The following STX8 variants were observed in gnomAD, a reference collection of about 807,000 sequenced individuals.
STX8 encodes the protein syntaxin 8, also known as syntaxin-8.
STX8 carries 23 observed loss-of-function variants against 37.5 expected under a neutral mutation model. The ratio of observed to expected loss-of-function variants is 0.61; its 90% CI spans 0.44 to 0.87. The LOEUF is 0.87. Ranked by LOEUF, STX8 falls within the 40% of genes least tolerant of loss-of-function variation. The pLI, the probability that STX8 is intolerant of heterozygous loss-of-function variation, is 0.00. For synonymous variants in STX8, 115 were observed against 99.1 expected, an observed-to-expected ratio of 1.16 and a Z score of -0.95; for missense variants, 313 against 284.7, an observed-to-expected ratio of 1.10 and a Z score of -0.71.
At chr17:9,362,292 T>G (rs1206267214) in intron 7 of STX8, among the ~76,000 whole-genome samples, 4 of 152,212 alleles carry the variant, frequency 2.6e-5, no homozygotes, top group African/African-American at 9.7e-5. Flanking sequence ...ACCACTGTAC[T>G]CGGGCCTGCA....
At chr17:9,571,771 C>T (rs530082673) in intron 1 of STX8, among the ~76,000 whole-genome samples, 4 of 151,700 alleles carry the variant, frequency 2.6e-5, no homozygotes, top group South Asian at 2.1e-4. Context: ...AAAAATTAGC[C>T]GGGCATGGTG....
At chr17:9,462,709 C>G (rs930008349) in intron 6 of STX8, among the ~76,000 whole-genome samples, 5 of 152,098 alleles carry the variant, frequency 3.3e-5, no homozygotes, top group Non-Finnish European at 7.4e-5. Flanking sequence ...GGCAACAGAG[C>G]GAGGCTCTGT....
chr17:9,316,284 T>A (rs1337476167), intron 7 of STX8, among the ~76,000 whole-genome samples: 1 of 152,086 alleles, frequency 6.6e-6, no homozygotes, highest in Non-Finnish European at 1.5e-5. Context: ...TCTAAAGTGA[T>A]AAGTGTCTTT....
chr17:9,520,564 CGTTA>C (rs1282297626), intron 4 of STX8, among the ~76,000 whole-genome samples: 1 of 152,128 alleles, frequency 6.6e-6, no homozygotes, highest in African/African-American at 2.4e-5. Context: ...TCAGTAAATA[CGTTA>C]GATATCTTGT....
intron 7 of STX8, among the ~76,000 whole-genome samples, chr17:9,259,891 A>G (rs1366435735): frequency 6.6e-6 from 1 of 152,160 alleles, no homozygotes; most frequent in African/African-American, 2.4e-5. Context: ...GCCATGCTGC[A>G]TAAATAACAA....
chr17:9,412,933 G>A (rs999871446), intron 6 of STX8, among the ~76,000 whole-genome samples: 6 of 152,184 alleles, frequency 3.9e-5, no homozygotes, highest in South Asian at 2.1e-4. Context: ...GAGAATTTCC[G>A]AACATGATTA....
At chr17:9,441,928 G>C (rs111857039) in intron 6 of STX8, among the ~76,000 whole-genome samples, 6,240 of 151,852 alleles carry the variant, frequency 0.041, 444 homozygotes, top group African/African-American at 0.14. Flanking sequence ...GCCCACCTCG[G>C]CCTCCCAAAG....
intron 4 of STX8, among the ~76,000 whole-genome samples, chr17:9,543,293 T>A (rs1906356249): frequency 4.3e-5 from 1 of 23,424 alleles, no homozygotes; most frequent in Non-Finnish European, 6.2e-5. Flanking sequence ...TAGAAGACAG[T>A]TTTTTGGTTT....
chr17:9,446,730 C>T (rs973687185), intron 6 of STX8, among the ~76,000 whole-genome samples: 5 of 152,142 alleles, frequency 3.3e-5, no homozygotes, highest in African/African-American at 1.2e-4. Flanking sequence ...GATAGCACTT[C>T]CTAATGAAAT....
chr17:9,277,772 A>G (rs1907726372), intron 7 of STX8, among the ~76,000 whole-genome samples: 1 of 152,152 alleles, frequency 6.6e-6, no homozygotes, highest in South Asian at 2.1e-4. Context: ...AGCCAAAGCC[A>G]GGCAGAGTGG....
chr17:9,273,631 A>C (rs774309557), intron 7 of STX8, among the ~76,000 whole-genome samples: 7 of 152,250 alleles, frequency 4.6e-5, no homozygotes, highest in Non-Finnish European at 8.8e-5. Flanking sequence ...ACGCAGGTTA[A>C]CACTGTCTGA....
intron 6 of STX8, among the ~76,000 whole-genome samples, chr17:9,441,448 C>T (rs1302809506): frequency 1.1e-5 from 1 of 89,372 alleles, no homozygotes; most frequent in South Asian, 4.4e-4. Flanking sequence ...CGATGTTGCA[C>T]CACTGCACTC....
chr17:9,571,497 G>T (rs1179129637), intron 1 of STX8, among the ~76,000 whole-genome samples: 2 of 151,228 alleles, frequency 1.3e-5, no homozygotes, highest in African/African-American at 4.9e-5. Flanking sequence ...TCGGGGGGTG[G>T]CTGAGGCAGG....
At chr17:9,468,821 C>T (rs543893384) in intron 6 of STX8, among the ~76,000 whole-genome samples, 53 of 152,256 alleles carry the variant, frequency 3.5e-4, no homozygotes, top group Non-Finnish European at 5.0e-4. Context: ...AAGGCCATTT[C>T]GGCACCCGGG....
chr17:9,425,999 C>T (rs1056000334), intron 6 of STX8, among the ~76,000 whole-genome samples: 4 of 152,024 alleles, frequency 2.6e-5, no homozygotes, highest in Non-Finnish European at 4.4e-5. Context: ...AACTGTCTCT[C>T]TCTTCTCAAG....
intron 1 of STX8, among the ~76,000 whole-genome samples, chr17:9,568,908 T>A (rs1343463373): frequency 6.6e-6 from 1 of 152,206 alleles, no homozygotes; most frequent in Non-Finnish European, 1.5e-5. Context: ...AAAAGCAACA[T>A]GGACTGAGCG....
chr17:9,519,013 T>G (rs1905242605), intron 4 of STX8, among the ~76,000 whole-genome samples: 1 of 152,132 alleles, frequency 6.6e-6, no homozygotes, highest in South Asian at 2.1e-4. Context: ...CTCTCCTTCC[T>G]AGCAGGACAA....
chr17:9,559,041 T>C (rs1433543989), intron 2 of STX8, among the ~76,000 whole-genome samples: 3 of 151,868 alleles, frequency 2.0e-5, no homozygotes, highest in Admixed American at 2.0e-4. Context: ...TAAAATAAAA[T>C]ATCACCCAAA....
chr17:9,458,862 C>G (rs1905266040), intron 6 of STX8, among the ~76,000 whole-genome samples: 1 of 150,052 alleles, frequency 6.7e-6, no homozygotes, highest in Non-Finnish European at 1.5e-5. Context: ...CGGAGTCTCA[C>G]TCTGTTGCCC....
Sources: allele counts gnomAD v4.1 joint callset (sites outside exome capture counted in the v4.1 genomes callset), GRCh38; gene constraint gnomAD v4.1.1; transcripts MANE v1.5; gene names NCBI Gene and HGNC (gene_info 2026-07-23, HGNC 2026-07-21).